NAV1: variants seen among roughly 807,000 people sequenced by gnomAD.
NAV1 encodes the protein neuron navigator 1.
In NAV1, 18 loss-of-function variants were observed where a neutral mutation model predicts 175.2. The observed-to-expected ratio is 0.10, with a 90% CI of 0.07 to 0.15. NAV1 has a LOEUF of 0.15. NAV1 is among the 10% of genes least tolerant of loss of function. The probability of loss-of-function intolerance (pLI) is 1.00; values close to 1 mark genes in which losing one functional copy is unlikely to be tolerated. For synonymous variants in NAV1, 897 were observed against 978.7 expected, an observed-to-expected ratio of 0.92 and a Z score of 1.56; for missense variants, 1,731 against 2,436.6, an observed-to-expected ratio of 0.71 and a Z score of 6.10.
intron 2 of NAV1, among the ~76,000 whole-genome samples, chr1:201,608,667 G>T (rs1006361114): frequency 6.6e-6 from 1 of 152,142 alleles, no homozygotes; most frequent in Non-Finnish European, 1.5e-5. Flanking sequence ...CTGGGCCTTG[G>T]GCAGCTACGC....
At chr1:201,801,435 G>A (rs1677861038) in intron 15 of NAV1, among the ~76,000 whole-genome samples, 1 of 152,110 alleles carries the variant, frequency 6.6e-6, no homozygotes, top group Non-Finnish European at 1.5e-5. Flanking sequence ...CTCTAGTTTA[G>A]TTTCCCTCCA....
intron 1 of NAV1, among the ~76,000 whole-genome samples, chr1:201,671,796 C>G (rs561745887): frequency 4.6e-5 from 7 of 152,296 alleles, no homozygotes; most frequent in African/African-American, 1.2e-4. Flanking sequence ...CCATGGGGAA[C>G]CATGCCACTG....
At chr1:201,602,755 CT>C (rs1378071686) in intron 2 of NAV1, among the ~76,000 whole-genome samples, 2 of 150,036 alleles carry the variant, frequency 1.3e-5, no homozygotes. Flanking sequence ...CTGCTCTTGG[CT>C]GGGGCATGCT....
intron 1 of NAV1, among the ~76,000 whole-genome samples, chr1:201,674,933 TG>T (rs1274898712): frequency 2.0e-5 from 3 of 150,302 alleles, no homozygotes; most frequent in Non-Finnish European, 3.0e-5. Flanking sequence ...CCACCTACTC[TG>T]GAGACTGAGG....
At chr1:201,728,471 G>A (rs897026691) in intron 3 of NAV1, among the ~76,000 whole-genome samples, 3 of 151,868 alleles carry the variant, frequency 2.0e-5, no homozygotes, top group Admixed American at 2.0e-4. Flanking sequence ...GCAGGCTCCT[G>A]TAATCCTGGC....
intron 3 of NAV1, among the ~76,000 whole-genome samples, chr1:201,775,929 C>T (rs574270421): frequency 7.2e-4 from 109 of 151,994 alleles, no homozygotes; most frequent in African/African-American, 1.7e-3. Context: ...TGGTAGCACA[C>T]GCCTATAATC....
At chr1:201,734,499 G>GAGGAGAAGAAGAAGAAGA (rs1184118304) in intron 3 of NAV1, among the ~76,000 whole-genome samples, 8 of 121,154 alleles carry the variant, frequency 6.6e-5, no homozygotes, top group African/African-American at 2.3e-4. Context: ...GAAGGAGAAG[G>GAGGAGAAGAAGAAGAAGA]AGAAGAAGAA....
chr1:201,701,763 C>T (rs1332641662), intron 1 of NAV1, among the ~76,000 whole-genome samples: 4 of 152,188 alleles, frequency 2.6e-5, no homozygotes, highest in Non-Finnish European at 5.9e-5. Context: ...GAAATTGGAA[C>T]TCTCATATAC....
At chr1:201,706,127 G>A (rs548078103) in intron 1 of NAV1, among the ~76,000 whole-genome samples, 132 of 152,272 alleles carry the variant, frequency 8.7e-4, no homozygotes, top group Non-Finnish European at 1.5e-3. Context: ...AGCACCAGAC[G>A]ATCATCAACA....
At chr1:201,607,943 C>T (rs1043720663) in intron 2 of NAV1, among the ~76,000 whole-genome samples, 6 of 135,608 alleles carry the variant, frequency 4.4e-5, no homozygotes, top group African/African-American at 1.1e-4. Flanking sequence ...CTGGAAGAAC[C>T]CAAAACCTAC....
At chr1:201,591,650 C>T (rs1361030871) in intron 2 of NAV1, among the ~76,000 whole-genome samples, 1 of 152,180 alleles carries the variant, frequency 6.6e-6, no homozygotes, top group Non-Finnish European at 1.5e-5. Flanking sequence ...GGAGACCCAT[C>T]GCTCCACCCT....
intron 24 of NAV1, among the ~76,000 whole-genome samples, chr1:201,811,095 A>C (rs1035434515): frequency 6.6e-6 from 1 of 151,426 alleles, no homozygotes; most frequent in African/African-American, 2.4e-5. Flanking sequence ...CCTCATTTCT[A>C]CCCCACTGTC....
intron 3 of NAV1, among the ~76,000 whole-genome samples, chr1:201,722,863 T>G (rs969248129): frequency 3.3e-5 from 5 of 152,200 alleles, no homozygotes; most frequent in Admixed American, 3.3e-4. Flanking sequence ...CCCAGCACTT[T>G]GGGAGGCTGG....
intron 2 of NAV1, among the ~76,000 whole-genome samples, chr1:201,597,073 G>T (rs1481671276): frequency 6.6e-6 from 1 of 152,098 alleles, no homozygotes; most frequent in East Asian, 1.9e-4. Flanking sequence ...TGATCCTCCT[G>T]CCTCGGCCTC....
At chr1:201,707,223 A>G (rs755599902) in intron 1 of NAV1, among the ~76,000 whole-genome samples, 6 of 152,192 alleles carry the variant, frequency 3.9e-5, no homozygotes, top group South Asian at 2.1e-4. Flanking sequence ...TGCACCCTCC[A>G]GGGGTGTGCA....
chr1:201,693,669 G>A (rs554148365), intron 1 of NAV1, among the ~76,000 whole-genome samples: 1 of 152,150 alleles, frequency 6.6e-6, no homozygotes, highest in Non-Finnish European at 1.5e-5. Context: ...GGCATTGAGG[G>A]CTGGGGAGAA....
chr1:201,800,731 T>C (rs1471683096), intron 15 of NAV1, among the ~76,000 whole-genome samples: 3 of 151,998 alleles, frequency 2.0e-5, no homozygotes, highest in Non-Finnish European at 2.9e-5. Context: ...GAAATAAATA[T>C]CTGTGTATAT....
chr1:201,548,463 G>A (rs1410360243), intron 1 of NAV1, among the ~76,000 whole-genome samples: 1 of 152,170 alleles, frequency 6.6e-6, no homozygotes, highest in African/African-American at 2.4e-5. Flanking sequence ...TGATATAGGA[G>A]GATCGATCAC....
chr1:201,706,253 G>GT (rs1671661934), intron 1 of NAV1, among the ~76,000 whole-genome samples: 1 of 114,002 alleles, frequency 8.8e-6, no homozygotes, highest in African/African-American at 3.7e-5. Flanking sequence ...TATTAAGAAG[G>GT]GGTGTGTGTG....
Sources: allele counts gnomAD v4.1 joint callset (sites outside exome capture counted in the v4.1 genomes callset), GRCh38; gene constraint gnomAD v4.1.1; transcripts MANE v1.5; gene names NCBI Gene and HGNC (gene_info 2026-07-23, HGNC 2026-07-21).